METRNL: variants seen among roughly 807,000 people sequenced by gnomAD.
The protein encoded by METRNL is meteorin-like protein.
Under a neutral mutation model 17.4 loss-of-function variants are expected in METRNL, and 9 were observed. The observed-to-expected ratio is 0.52, with a 90% CI of 0.31 to 0.90. METRNL has a LOEUF of 0.90. METRNL is among the 40% of genes least tolerant of loss of function. The probability of loss-of-function intolerance (pLI) is 0.05; values close to 1 mark genes in which losing one functional copy is unlikely to be tolerated. For missense variants in METRNL, 408 were observed against 430.7 expected, an observed-to-expected ratio of 0.95 and a Z score of 0.47; for synonymous variants, 215 against 199.3, an observed-to-expected ratio of 1.08 and a Z score of -0.66.
At chr17:83,085,428 G>A (rs2038041859) in intron 2 of METRNL, 105 bp downstream of exon 2, 3 of 1,386,380 alleles carry the variant, frequency 2.2e-6, no homozygotes, top group Non-Finnish European at 2.9e-6. Context: ...GCTCAGCCTT[G>A]GTGAAAACCC....
At chr17:83,082,578 C>A (rs1041153881) in intron 1 of METRNL, among the ~76,000 whole-genome samples, 10 of 152,260 alleles carry the variant, frequency 6.6e-5, no homozygotes, top group Admixed American at 2.6e-4. Context: ...TTTATCACAG[C>A]AGAACTGTGT....
In METRNL at chr17:83,094,297, C is replaced by G. The variant is rs760504714; in HGVS notation, c.658C>G (p.Arg220Gly). 6.3e-6 allele frequency: 10 copies of G among 1,590,386 alleles called. No individual in the cohort carries two copies. The highest frequency in any genetic ancestry group is 7.7e-6 in the Non-Finnish European group (9 of 1,162,666). The part of the protein sequence containing the change: ...SIQQVTHEPE[R>G]QDSAIHLRVS... ...CCAGCAAGTTACCCACGAGCCTGAG[C>G]GGCAGGACTCAGCCATCCACCTGCG... Residue 220 changes from arginine to glycine, a missense_variant, in exon 4 of 4, where the codon CGG becomes GGG. Transcript: ENST00000320095.
chr17:83,087,976 G>C (rs576392538), intron 2 of METRNL, among the ~76,000 whole-genome samples: 35 of 152,322 alleles, frequency 2.3e-4, no homozygotes, highest in Admixed American at 1.0e-3. Context: ...GGTGGGTTTC[G>C]TTGGTGTGAT....
chr17:83,089,745 T>C (rs2038095259), intron 2 of METRNL, among the ~76,000 whole-genome samples: 1 of 151,836 alleles, frequency 6.6e-6, no homozygotes, highest in Non-Finnish European at 1.5e-5. Context: ...CCCGATTGTC[T>C]CCCGGCGTCC....
At chr17:83,084,590 G>C (rs889065773) in intron 1 of METRNL, 10 of 303,256 alleles carry the variant, frequency 3.3e-5, no homozygotes, top group Middle Eastern at 8.5e-4. Flanking sequence ...CGCAGAGATT[G>C]GTGTTTGACG....
intron 2 of METRNL, among the ~76,000 whole-genome samples, chr17:83,091,741 G>C (rs762405769): frequency 3.9e-5 from 6 of 152,230 alleles, no homozygotes; most frequent in Non-Finnish European, 8.8e-5. Context: ...GGTCGTCCCA[G>C]CTCTTGGCCA....
intron 1 of METRNL, among the ~76,000 whole-genome samples, chr17:83,083,664 C>T (rs1482943902): frequency 6.6e-6 from 1 of 152,198 alleles, no homozygotes; most frequent in Non-Finnish European, 1.5e-5. Context: ...GGGGTGCACC[C>T]TCGACACCAC....
rs1176631918 is a variant in METRNL at position 83,080,566 on chromosome 17, C to G, written c.170+581C>G. ...CCGCGGCGCGCGCTGCGCTGGGCGA[C>G]CCCCCCCCCCCCCACCCGCGGTGGC... On this transcript the variant is annotated intron_variant, in intron 1 of 3. Coordinates refer to ENST00000320095, the MANE Select transcript of METRNL (RefSeq NM_001004431.3). 9.1e-5 allele frequency among the ~76,000 whole-genome samples: 2 copies of G among 22,042 alleles called. 1 individual carries two copies. The highest frequency in any genetic ancestry group is 3.0e-4 in the African/African-American group (2 of 6,582). 14.5% of individuals were successfully genotyped at this position (22,042 alleles called of 152,430 possible).
At chr17:83,084,784 G>T in intron 1 of METRNL, 154 bp from the exon 2 acceptor site, 1 of 928,142 alleles carries the variant, frequency 1.1e-6, no homozygotes, top group South Asian at 1.7e-5. Flanking sequence ...CTGCCTCACG[G>T]GCAGGGGTCC....
At chr17:83,082,129 G>A (rs914451033) in intron 1 of METRNL, 45 of 985,308 alleles carry the variant, frequency 4.6e-5, no homozygotes, top group Non-Finnish European at 5.1e-5. Context: ...CCAGCGCCCC[G>A]TCTTTATCAG....
chr17:83,094,181 G>A (rs2038173423), intron 3 of METRNL, 75 bp from the exon 4 acceptor site: 4 of 1,270,278 alleles, frequency 3.1e-6, no homozygotes, highest in Admixed American at 2.4e-5. Context: ...CGATGCGGGG[G>A]CAGGGGGAGG....
At chr17:83,093,274 C>T (rs1438016729) in intron 3 of METRNL, 48 bp downstream of exon 3, 1 of 1,501,620 alleles carries the variant, frequency 6.7e-7, no homozygotes, top group East Asian at 2.3e-5. Flanking sequence ...CTGGTTTCTG[C>T]CACATGGAGC....
At chr17:83,083,236 G>A (rs1259465223) in intron 1 of METRNL, among the ~76,000 whole-genome samples, 1 of 152,170 alleles carries the variant, frequency 6.6e-6, no homozygotes, top group African/African-American at 2.4e-5. Flanking sequence ...TGTTCCCCTC[G>A]CCTGCTCAGA....
At chr17:83,085,350 G>C in intron 2 of METRNL, 27 bp downstream of exon 2, 2 of 1,511,472 alleles carry the variant, frequency 1.3e-6, no homozygotes, top group Non-Finnish European at 1.8e-6. Context: ...GGGCGGGGGC[G>C]GCGGGCCTCG....
intron 2 of METRNL, among the ~76,000 whole-genome samples, chr17:83,091,021 G>A (rs987298091): frequency 1.1e-4 from 16 of 152,188 alleles, no homozygotes; most frequent in Non-Finnish European, 1.9e-4. Flanking sequence ...AGAGCGCACC[G>A]GGCGGCTTCC....
chr17:83,084,857 G>C, intron 1 of METRNL, 81 bp from the exon 2 acceptor site: 2 of 1,517,522 alleles, frequency 1.3e-6, no homozygotes, highest in South Asian at 2.5e-5. Context: ...AGCGGGTATC[G>C]TCCTCACTGA....
intron 1 of METRNL, among the ~76,000 whole-genome samples, chr17:83,081,298 G>A (rs867762412): frequency 1.8e-4 from 28 of 152,276 alleles, no homozygotes; most frequent in Middle Eastern, 3.4e-3. Flanking sequence ...TCTGCCCGGC[G>A]GGTCGGTGCA....
At chr17:83,094,232 G>T in intron 3 of METRNL, 24 bp from the exon 4 acceptor site, 1 of 1,540,966 alleles carries the variant, frequency 6.5e-7, no homozygotes, top group Non-Finnish European at 8.8e-7. Flanking sequence ...CTCACTCCCT[G>T]TCCCCATCTC....
At chr17:83,094,046 C>T (rs953617599) in intron 3 of METRNL, among the ~76,000 whole-genome samples, 2 of 152,224 alleles carry the variant, frequency 1.3e-5, no homozygotes, top group Non-Finnish European at 2.9e-5. Flanking sequence ...GGCACCTGTT[C>T]TCTGACGATG....
Sources: gnomAD v4.1 joint callset for allele counts (sites outside exome capture counted in the v4.1 genomes callset) on GRCh38, gnomAD v4.1.1 for gene constraint, MANE v1.5 for transcripts, NCBI Gene and HGNC (gene_info 2026-07-23, HGNC 2026-07-21) for gene names.